The following DISC1 variants were observed in gnomAD, a reference collection of about 807,000 sequenced individuals.
DISC1 encodes disrupted in schizophrenia 1 protein.
A neutral mutation model predicts 84.5 loss-of-function variants in DISC1; 57 were observed. The ratio of observed to expected loss-of-function variants is 0.67; its 90% confidence interval spans 0.55 to 0.84. The LOEUF (loss-of-function observed/expected upper bound fraction) is 0.84. DISC1 is among the 40% of genes least tolerant of loss of function. The probability of loss-of-function intolerance (pLI) is 0.00; values close to 1 mark genes in which losing one functional copy is unlikely to be tolerated. For synonymous variants in DISC1, 411 were observed against 415.2 expected (o/e 0.99, Z 0.12); for missense variants, 1,000 against 1,057.8 (o/e 0.95, Z 0.76).
chr1:231,890,856 T>C (rs1469524854), intron 9 of DISC1, among the ~76,000 whole-genome samples: 1 of 152,258 alleles, frequency 6.6e-6, no homozygotes, highest in Non-Finnish European at 1.5e-5. Context: ...ATGCTGATTA[T>C]GTTTCCTGTT....
chr1:231,832,551 T>A (rs1574142641), intron 9 of DISC1, among the ~76,000 whole-genome samples: 2 of 151,640 alleles, frequency 1.3e-5, no homozygotes, highest in African/African-American at 4.8e-5. Flanking sequence ...TTGACTGAAG[T>A]AATGGGGGCT....
intron 10 of DISC1, among the ~76,000 whole-genome samples, chr1:231,980,742 T>C (rs1034534800): frequency 2.0e-5 from 3 of 152,198 alleles, no homozygotes; most frequent in Admixed American, 6.5e-5. Flanking sequence ...TCAAGAGCCC[T>C]GAAGCTTTGA....
chr1:231,924,263 C>T (rs1195759012), intron 9 of DISC1, among the ~76,000 whole-genome samples: 1 of 152,206 alleles, frequency 6.6e-6, no homozygotes, highest in Non-Finnish European at 1.5e-5. Flanking sequence ...GGAGGACAGT[C>T]CCCATGTATT....
intron 9 of DISC1, among the ~76,000 whole-genome samples, chr1:231,820,626 G>A (rs551899162): frequency 1.3e-4 from 20 of 152,238 alleles, no homozygotes; most frequent in Non-Finnish European, 2.5e-4. Flanking sequence ...GTTCTTCTCT[G>A]CCCCACAACA....
At chr1:231,938,980 C>T (rs2091143777) in intron 9 of DISC1, among the ~76,000 whole-genome samples, 5 of 152,292 alleles carry the variant, frequency 3.3e-5, no homozygotes, top group Admixed American at 3.3e-4. Flanking sequence ...TCCATCAGGT[C>T]TTGGTTGAAA....
intron 9 of DISC1, among the ~76,000 whole-genome samples, chr1:231,857,237 C>T (rs1300177836): frequency 1.3e-5 from 2 of 152,226 alleles, no homozygotes; most frequent in Non-Finnish European, 2.9e-5. Context: ...TCCAGAACTA[C>T]AGGCTCCAAT....
Position 231,857,282 on chromosome 1 carries a change from A to C in DISC1, c.1981+38765A>C, listed in dbSNP as rs372914576. Reference sequence around the variant, plus strand: ...ACTTTCCCAAGTACAAATTTATTTCAGAAATTAAAGTACTACTCTTACTTT... The same window carrying C: ...ACTTTCCCAAGTACAAATTTATTTCCGAAATTAAAGTACTACTCTTACTTT... On this transcript the variant is annotated intron_variant, in intron 9 of 12. Coordinates refer to ENST00000439617, the MANE Select transcript of DISC1 (RefSeq NM_018662.3). Among the ~76,000 whole-genome samples the C allele has an allele frequency of 2.2e-4, 33 of 152,380 alleles. No homozygotes were observed. The South Asian group carries it at 6.8e-3, about 32-fold the overall frequency.
chr1:231,991,624 CAA>C (rs1665213982), intron 10 of DISC1, among the ~76,000 whole-genome samples: 1 of 152,124 alleles, frequency 6.6e-6, no homozygotes, highest in African/African-American at 2.4e-5. Context: ...TGTTTAGCAC[CAA>C]AGTTAAGGAC....
chr1:231,871,273 A>G (rs2085441638), intron 9 of DISC1, among the ~76,000 whole-genome samples: 3 of 152,234 alleles, frequency 2.0e-5, no homozygotes, highest in Non-Finnish European at 1.5e-5. Context: ...CTCAGAGTGT[A>G]GGCAGGTTCC....
At chr1:231,883,208 C>T (rs917302997) in intron 9 of DISC1, among the ~76,000 whole-genome samples, 2 of 152,066 alleles carry the variant, frequency 1.3e-5, no homozygotes, top group Non-Finnish European at 2.9e-5. Flanking sequence ...TCTTGAATAA[C>T]CATTCATTCA....
intron 3 of DISC1, among the ~76,000 whole-genome samples, chr1:231,713,260 C>G (rs751598736): frequency 6.6e-6 from 1 of 152,000 alleles, no homozygotes; most frequent in African/African-American, 2.4e-5. Context: ...ACAAAGGAAA[C>G]GAGAACACAT....
intron 6 of DISC1, among the ~76,000 whole-genome samples, chr1:231,786,696 T>C (rs1276423254): frequency 6.6e-6 from 1 of 152,200 alleles, no homozygotes; most frequent in Non-Finnish European, 1.5e-5. Flanking sequence ...CACCTTGTCT[T>C]CCTACCCTTG....
intron 3 of DISC1, among the ~76,000 whole-genome samples, chr1:231,710,351 C>A (rs199972824): frequency 9.2e-5 from 14 of 152,050 alleles, no homozygotes; most frequent in Non-Finnish European, 1.6e-4. Flanking sequence ...GTCTCAAAAA[C>A]AAAAACAAAC....
intron 9 of DISC1, among the ~76,000 whole-genome samples, chr1:231,883,424 G>A (rs184905233): frequency 6.6e-6 from 1 of 152,290 alleles, no homozygotes; most frequent in Admixed American, 6.5e-5. Flanking sequence ...AACAGTGCCA[G>A]CTGTTGCACA....
intron 10 of DISC1, among the ~76,000 whole-genome samples, chr1:231,989,667 A>G (rs1010522424): frequency 6.6e-6 from 1 of 152,186 alleles, no homozygotes; most frequent in African/African-American, 2.4e-5. Flanking sequence ...ATTGTGAGAA[A>G]CTACAGAGTT....
At chr1:231,972,328 C>T (rs192521034) in intron 10 of DISC1, among the ~76,000 whole-genome samples, 25 of 152,338 alleles carry the variant, frequency 1.6e-4, no homozygotes, top group Admixed American at 5.9e-4. Context: ...GCCCTTCTGC[C>T]TGCCAGAGGG....
intron 6 of DISC1, among the ~76,000 whole-genome samples, chr1:231,786,199 A>G (rs1273726987): frequency 6.6e-6 from 1 of 152,210 alleles, no homozygotes; most frequent in African/African-American, 2.4e-5. Context: ...GGCTAGTAAA[A>G]GATTTTTGAA....
intron 9 of DISC1, among the ~76,000 whole-genome samples, chr1:231,957,643 A>T (rs1352327160): frequency 1.3e-5 from 2 of 152,212 alleles, no homozygotes; most frequent in African/African-American, 2.4e-5. Flanking sequence ...TTTGTGTGTT[A>T]GACCAGCATA....
At chr1:231,974,455 T>C (rs1222053180) in intron 10 of DISC1, among the ~76,000 whole-genome samples, 2 of 152,194 alleles carry the variant, frequency 1.3e-5, no homozygotes, top group South Asian at 4.1e-4. Context: ...AAAATAAGCC[T>C]AGTAAAAATC....
Sources: gnomAD v4.1 joint callset for allele counts (sites outside exome capture counted in the v4.1 genomes callset) on GRCh38, gnomAD v4.1.1 for gene constraint, MANE v1.5 for transcripts, NCBI Gene and HGNC (gene_info 2026-07-23, HGNC 2026-07-21) for gene names.